The following PTPRS variants were observed in gnomAD, a reference collection of about 807,000 sequenced individuals.
PTPRS encodes the protein protein tyrosine phosphatase receptor type S, also known as receptor-type tyrosine-protein phosphatase S.
A neutral mutation model predicts 215.3 loss-of-function variants in PTPRS; 63 were observed. The ratio of observed to expected loss-of-function variants is 0.29; its 90% CI spans 0.24 to 0.36. The LOEUF (loss-of-function observed/expected upper bound fraction) is 0.36. Ranked by LOEUF, PTPRS falls within the 10% of genes least tolerant of loss-of-function variation. The pLI, the probability that PTPRS is intolerant of heterozygous loss-of-function variation, is 1.00. For missense variants in PTPRS, 2,258 were observed against 2,825.8 expected, an observed-to-expected ratio of 0.80 and a Z score of 4.56; for synonymous variants, 1,404 against 1,191.4, an observed-to-expected ratio of 1.18 and a Z score of -3.68.
intron 7 of PTPRS, among the ~76,000 whole-genome samples, chr19:5,258,921 A>G (rs1180159210): frequency 2.0e-5 from 3 of 152,218 alleles, no homozygotes; most frequent in African/African-American, 7.2e-5. Context: ...TAAAACCACA[A>G]GCCTGAAGTC....
At chr19:5,301,217 C>G (rs1302548135) in intron 1 of PTPRS, among the ~76,000 whole-genome samples, 3 of 152,028 alleles carry the variant, frequency 2.0e-5, no homozygotes, top group Admixed American at 1.3e-4. Flanking sequence ...GGGGGAGGGA[C>G]AGAATGGCCG....
intron 2 of PTPRS, among the ~76,000 whole-genome samples, chr19:5,280,403 G>A (rs1375536180): frequency 6.6e-6 from 1 of 152,194 alleles, no homozygotes; most frequent in Non-Finnish European, 1.5e-5. Context: ...GTATGTGTGT[G>A]CTTTGAGCAT....
At chr19:5,303,293 G>T (rs1015967159) in intron 1 of PTPRS, among the ~76,000 whole-genome samples, 1 of 152,112 alleles carries the variant, frequency 6.6e-6, no homozygotes, top group African/African-American at 2.4e-5. Context: ...AGGAAACCGA[G>T]GCACAAACCA....
intron 13 of PTPRS, 80 bp downstream of exon 13, chr19:5,238,839 T>C: frequency 6.8e-7 from 1 of 1,461,738 alleles, no homozygotes; most frequent in Admixed American, 2.6e-5. Flanking sequence ...AGGCCCCGCC[T>C]GGGTCCGTCT....
intron 1 of PTPRS, among the ~76,000 whole-genome samples, chr19:5,340,085 G>A (rs1029020185): frequency 6.6e-6 from 1 of 151,832 alleles, no homozygotes; most frequent in African/African-American, 2.4e-5. Flanking sequence ...CCAGGGGAGG[G>A]AGACCCGGAG....
chr19:5,277,740 G>T (rs1037908027), intron 2 of PTPRS: 4 of 672,122 alleles, frequency 6.0e-6, no homozygotes, highest in South Asian at 2.8e-5. Flanking sequence ...CATCATGGCC[G>T]CCCTCAGACT....
chr19:5,208,503 TG>T (rs139873720), intron 35 of PTPRS, 112 bp from the exon 36 acceptor site: 123,660 of 1,147,220 alleles, frequency 0.11, 7,628 homozygotes, highest in Admixed American at 0.23. Flanking sequence ...GTTTTTGAGA[TG>T]GAGTTTCACT....
chr19:5,220,884 G>C, intron 20 of PTPRS, 116 bp downstream of exon 20: 1 of 1,232,650 alleles, frequency 8.1e-7, no homozygotes, highest in East Asian at 2.3e-5. Flanking sequence ...AGGGCTGATA[G>C]GGTCTGTGTT....
chr19:5,308,584 A>G (rs1037353040), intron 1 of PTPRS, among the ~76,000 whole-genome samples: 2 of 152,146 alleles, frequency 1.3e-5, no homozygotes, highest in Admixed American at 1.3e-4. Context: ...ACGCAGTCAC[A>G]GGGGCAGACT....
At chr19:5,292,798 C>G (rs2052613623) in intron 1 of PTPRS, 1 of 151,748 alleles carries the variant, frequency 6.6e-6, no homozygotes, top group African/African-American at 2.4e-5. Context: ...CTCCCCCGGG[C>G]TGGCAGCGAA....
chr19:5,225,043 T>G (rs571338499), intron 17 of PTPRS, among the ~76,000 whole-genome samples: 2 of 145,482 alleles, frequency 1.4e-5, no homozygotes, highest in Admixed American at 6.9e-5. Context: ...GGCTGTGCCC[T>G]CCGCCCGGTG....
Position 5,215,599 on chromosome 19 carries a change from C to T in PTPRS, c.4097-4G>A, listed in dbSNP as rs1174897442. 5 of 1,590,248 alleles carry T rather than the reference C, an allele frequency of 3.1e-6. No individual in the cohort carries two copies. Among genetic ancestry groups the T allele is most frequent in the Non-Finnish European group, 4.3e-6 (5 of 1,166,502 alleles). ...ATTGGCGGGTGGCTAAGCATGCCTA[C>T]AGGGTGGAGCAGACCCCGCCGGGGT... is the stretch of plus-strand genomic sequence containing the variant. On this transcript the variant is annotated splice_region_variant and splice_polypyrimidine_tract_variant and intron_variant, in intron 26 of 37. Coordinates refer to ENST00000262963, the MANE Select transcript of PTPRS (RefSeq NM_002850.4).
intron 2 of PTPRS, among the ~76,000 whole-genome samples, chr19:5,282,356 C>T (rs1315123004): frequency 6.6e-6 from 1 of 152,122 alleles, no homozygotes; most frequent in African/African-American, 2.4e-5. Context: ...CTCCTTTGGA[C>T]GAAGCTTCCC....
Position 5,271,344 on chromosome 19 carries a change from C to A in PTPRS, c.379+2098G>T, listed in dbSNP as rs913843475. The stretch of plus-strand genomic sequence containing the variant: ...AATCTTGCTCCCTGTATCACTCACT[C>A]ATCTGGTTCACGGAATTACCCCTTG... On this transcript the variant is annotated intron_variant, in intron 4 of 37. Coordinates refer to ENST00000262963, the MANE Select transcript of PTPRS (RefSeq NM_002850.4). Among the ~76,000 whole-genome samples the A allele has an allele frequency of 1.6e-4, 24 of 152,062 alleles. 3 individuals are homozygous for A. Among genetic ancestry groups the A allele is most frequent in the Admixed American group, 6.5e-4 (10 of 15,274 alleles).
Position 5,238,942 on chromosome 19 carries a change from ACCACGG to A in PTPRS, c.1820_1825del (p.Pro607_Val609delinsLeu). On this transcript the variant is annotated inframe_deletion, in exon 13 of 38. Coordinates refer to ENST00000262963, the MANE Select transcript of PTPRS (RefSeq NM_002850.4). ...ACTGGACTGCAGCGTGCGCTGCCGCACCACGGGGGTGAAGGCGCCCAGGCCCTGCGG... is the reference window on the plus strand; with the variant it reads ...ACTGGACTGCAGCGTGCGCTGCCGCAGGGTGAAGGCGCCCAGGCCCTGCGG... 6.2e-7 allele frequency: 1 copy of A among 1,609,564 alleles called. No individual in the cohort carries two copies. The highest frequency in any genetic ancestry group is 8.5e-7 in the Non-Finnish European group (1 of 1,178,150).
chr19:5,271,837 GCCTCAGCCT>G (rs1257574465), intron 4 of PTPRS, among the ~76,000 whole-genome samples: 278 of 152,126 alleles, frequency 1.8e-3, no homozygotes, highest in African/African-American at 6.6e-3. Context: ...CAACTCTCCT[GCCTCAGCCT>G]CCTGAGCAGC....
At chr19:5,246,068 G>A (rs775218878) in intron 9 of PTPRS, 23 bp from the exon 10 acceptor site, 15 of 1,411,180 alleles carry the variant, frequency 1.1e-5, no homozygotes, top group Admixed American at 2.5e-5. Context: ...CGGCAGTGGC[G>A]GCGGGAGGGA....
chr19:5,234,337 A>T (rs2145737905), intron 13 of PTPRS, among the ~76,000 whole-genome samples: 1 of 152,022 alleles, frequency 6.6e-6, no homozygotes, highest in South Asian at 2.1e-4. Flanking sequence ...GGCTTTATCA[A>T]GTAATAATAA....
At chr19:5,308,054 G>A (rs565700608) in intron 1 of PTPRS, among the ~76,000 whole-genome samples, 2 of 152,298 alleles carry the variant, frequency 1.3e-5, no homozygotes, top group Non-Finnish European at 1.5e-5. Context: ...GAAAGAGAGA[G>A]GGGAGAGGAT....
Sources: gnomAD v4.1 joint callset for allele counts (sites outside exome capture counted in the v4.1 genomes callset) on GRCh38, gnomAD v4.1.1 for gene constraint, MANE v1.5 for transcripts, NCBI Gene and HGNC (gene_info 2026-07-23, HGNC 2026-07-21) for gene names.